The following GSE1 variants were observed in gnomAD, a reference collection of about 807,000 sequenced individuals.
GSE1 encodes genetic suppressor element 1.
Under a neutral mutation model 112.6 loss-of-function variants are expected in GSE1, and 32 were observed. The observed-to-expected ratio is 0.28, with a 90% CI of 0.21 to 0.38. GSE1 has a LOEUF of 0.38. Ranked by LOEUF, GSE1 falls within the 10% of genes least tolerant of loss-of-function variation. The probability of loss-of-function intolerance (pLI) is 1.00; values close to 1 mark genes in which losing one functional copy is unlikely to be tolerated. For missense variants in GSE1, 2,348 were observed against 1,699.2 expected, an observed-to-expected ratio of 1.38 and a Z score of -6.71; for synonymous variants, 1,115 against 735.6, an observed-to-expected ratio of 1.52 and a Z score of -8.35.
chr16:85,645,089 G>A (rs2050743326), intron 2 of GSE1, among the ~76,000 whole-genome samples: 1 of 151,238 alleles, frequency 6.6e-6, no homozygotes, highest in Admixed American at 6.6e-5. Flanking sequence ...CCCTCCTCAG[G>A]TGGATCTAGT....
chr16:85,259,854 CG>C (rs1262743941), intron 1 of GSE1, among the ~76,000 whole-genome samples: 3 of 152,172 alleles, frequency 2.0e-5, no homozygotes, highest in Non-Finnish European at 4.4e-5. Flanking sequence ...GGGTGGCCTC[CG>C]TGCCAGCATC....
At chr16:85,266,648 C>G (rs1908274268) in intron 1 of GSE1, among the ~76,000 whole-genome samples, 1 of 151,918 alleles carries the variant, frequency 6.6e-6, no homozygotes. Context: ...TCCTTTTACC[C>G]CCTACCTCTC....
At chr16:85,588,518 G>A (rs112982522) in intron 1 of GSE1, among the ~76,000 whole-genome samples, 59 of 152,304 alleles carry the variant, frequency 3.9e-4, no homozygotes, top group African/African-American at 1.1e-3. Flanking sequence ...CCCGGCCAGT[G>A]CTCCAAATGA....
intron 1 of GSE1, among the ~76,000 whole-genome samples, chr16:85,331,357 G>GTATATATATATGTATATATATA (rs1161946667): frequency 1.8e-5 from 1 of 57,120 alleles, no homozygotes; most frequent in Non-Finnish European, 4.3e-5. Flanking sequence ...GTGTGTGTGT[G>GTATATATATATGTATATATATA]TGTGTGTGTA....
chr16:85,301,199 G>A (rs1401107276), intron 1 of GSE1, among the ~76,000 whole-genome samples: 1 of 152,228 alleles, frequency 6.6e-6, no homozygotes, highest in Non-Finnish European at 1.5e-5. Context: ...CATGTTTATG[G>A]TTAAACCTCC....
intron 2 of GSE1, among the ~76,000 whole-genome samples, chr16:85,479,407 G>T (rs139610616): frequency 6.6e-6 from 1 of 151,550 alleles, no homozygotes; most frequent in Non-Finnish European, 1.5e-5. Context: ...GACCTCAGGT[G>T]ATCTGCACGT....
chr16:85,321,795 A>AC (rs35986578), intron 1 of GSE1, among the ~76,000 whole-genome samples: 7,131 of 149,988 alleles, frequency 0.048, 329 homozygotes, highest in African/African-American at 0.12. Flanking sequence ...CCTGTCTTAA[A>AC]AAAAAAAAAA....
chr16:85,602,735 A>G (rs1344018103), intron 1 of GSE1, among the ~76,000 whole-genome samples: 1 of 152,086 alleles, frequency 6.6e-6, no homozygotes, highest in South Asian at 2.1e-4. Flanking sequence ...ATGAAGGAAG[A>G]CAGTTCCTCC....
chr16:85,215,896 C>A (rs753936997), intron 1 of GSE1, among the ~76,000 whole-genome samples: 1 of 152,218 alleles, frequency 6.6e-6, no homozygotes, highest in African/African-American at 2.4e-5. Flanking sequence ...AGGTTGTTGG[C>A]TGCCAACTGA....
At chr16:85,500,998 G>GTGT (rs2051341767) in intron 2 of GSE1, among the ~76,000 whole-genome samples, 1 of 64,826 alleles carries the variant, frequency 1.5e-5, no homozygotes, top group East Asian at 5.5e-4. Flanking sequence ...GGCCTGTTCT[G>GTGT]TTTTTTTTTT....
intron 2 of GSE1, among the ~76,000 whole-genome samples, chr16:85,394,258 A>G (rs1260892329): frequency 6.6e-6 from 1 of 152,172 alleles, no homozygotes; most frequent in Non-Finnish European, 1.5e-5. Flanking sequence ...TTAAATGTTC[A>G]TAAATGTAGG....
intron 2 of GSE1, among the ~76,000 whole-genome samples, chr16:85,549,793 T>C (rs8052796): frequency 0.91 from 138,972 of 152,236 alleles, 63,775 homozygotes; most frequent in East Asian, 0.99. Flanking sequence ...TGTCCTCTCC[T>C]TGTATGCCCT....
chr16:85,436,083 C>A (rs1382520414), intron 2 of GSE1, among the ~76,000 whole-genome samples: 1 of 152,182 alleles, frequency 6.6e-6, no homozygotes, highest in Non-Finnish European at 1.5e-5. Context: ...ATCGTACCCC[C>A]CAACCTCTAC....
chr16:85,387,232 C>A lies in GSE1; in HGVS notation c.2464+29589C>A, dbSNP rs535682319. Among the ~76,000 whole-genome samples, 3 of 152,262 alleles carry A rather than the reference C, an allele frequency of 2.0e-5. No homozygotes were observed. In the South Asian group the frequency reaches 6.2e-4, roughly 32 times the overall value. ...GGAGCCCCCTGCACCCATGGTCCAG[C>A]CCCAGGCCTCTCCTGAGTCTCACGC... On this transcript the variant is annotated intron_variant, in intron 2 of 2. Transcript: ENST00000637419.
At position 85,672,816 on chromosome 16, in the gene GSE1, T is replaced by G. The variant is rs1355108887; in HGVS notation, c.*277T>G. 1 of 153,598 alleles carries G rather than the reference T, an allele frequency of 6.5e-6. No individual in the cohort carries two copies. The highest frequency in any genetic ancestry group is 1.5e-5 in the Non-Finnish European group (1 of 67,946). 9.5% of individuals were successfully genotyped at this position (153,598 alleles called of 1,614,324 possible). On this transcript the variant is annotated 3_prime_UTR_variant, in exon 16 of 16. Transcript: ENST00000253458. ...TTCGCCCTTCCTCTCCCACATTATT[T>G]CTTAATCTGAACATGAAGGCTCCAT...
chr16:85,347,198 G>C (rs1202859151), intron 1 of GSE1, among the ~76,000 whole-genome samples: 1 of 152,124 alleles, frequency 6.6e-6, no homozygotes, highest in African/African-American at 2.4e-5. Context: ...GCAGGCTGGG[G>C]GTTGGGGAAT....
chr16:85,207,541 C>T (rs1262205156), intron 1 of GSE1, among the ~76,000 whole-genome samples: 1 of 133,876 alleles, frequency 7.5e-6, no homozygotes, highest in Non-Finnish European at 1.6e-5. Context: ...CCCCTGCACC[C>T]TGCCCCAGCG....
intron 1 of GSE1, among the ~76,000 whole-genome samples, chr16:85,275,980 C>T (rs924650106): frequency 6.6e-6 from 1 of 152,248 alleles, no homozygotes; most frequent in East Asian, 1.9e-4. Context: ...TGTCCTTGGC[C>T]TCAGGGTCCC....
intron 1 of GSE1, among the ~76,000 whole-genome samples, chr16:85,578,704 G>T (rs1046390778): frequency 6.6e-6 from 1 of 151,402 alleles, no homozygotes; most frequent in Non-Finnish European, 1.5e-5. Context: ...GAGAGTAAAA[G>T]CCAGCATTCT....
Sources: allele counts gnomAD v4.1 joint callset (sites outside exome capture counted in the v4.1 genomes callset), GRCh38; gene constraint gnomAD v4.1.1; transcripts MANE v1.5; gene names NCBI Gene and HGNC (gene_info 2026-07-23, HGNC 2026-07-21).